Variants in PGM2L1 observed in about 807,000 individuals in gnomAD.
PGM2L1 encodes the protein glucose 1,6-bisphosphate synthase.
PGM2L1 carries 35 observed loss-of-function variants against 73.4 expected under a neutral mutation model. The ratio of observed to expected loss-of-function variants is 0.48; its 90% CI spans 0.36 to 0.63. PGM2L1 has a LOEUF of 0.63. Among genes scored for constraint, PGM2L1 ranks in the 30% least tolerant of loss-of-function variants. The probability of loss-of-function intolerance (pLI) is 0.00; values close to 1 mark genes in which losing one functional copy is unlikely to be tolerated. For missense variants in PGM2L1, 570 were observed against 742.0 expected, an observed-to-expected ratio of 0.77 and a Z score of 2.69; for synonymous variants, 225 against 253.8, an observed-to-expected ratio of 0.89 and a Z score of 1.08.
At chr11:74,393,249 T>C (rs764574841) in intron 1 of PGM2L1, among the ~76,000 whole-genome samples, 2 of 152,142 alleles carry the variant, frequency 1.3e-5, no homozygotes, top group Non-Finnish European at 2.9e-5. Flanking sequence ...ATTAGAAAAA[T>C]GTGAACAAAA....
At chr11:74,396,564 G>A (rs1342058855) in intron 1 of PGM2L1, among the ~76,000 whole-genome samples, 2 of 152,072 alleles carry the variant, frequency 1.3e-5, no homozygotes, top group Admixed American at 6.6e-5. Flanking sequence ...ACAGGCGCCC[G>A]CCACCGCGCC....
At position 74,333,210 on chromosome 11, in the gene PGM2L1, A is replaced by G. The variant is rs1491002047; in HGVS notation, c.*3442T>C. On this transcript the variant is annotated 3_prime_UTR_variant, in exon 14 of 14. Transcript: ENST00000298198. Reference sequence around the variant, plus strand: ...CCTTAAAAATAAAAAAAAGATTTTGAATAGAAGATATTATGAAGATTTCTC... The same window carrying G: ...CCTTAAAAATAAAAAAAAGATTTTGGATAGAAGATATTATGAAGATTTCTC... 1 of 152,282 alleles carries G rather than the reference A, an allele frequency of 6.6e-6. No homozygotes were observed. Among genetic ancestry groups the G allele is most frequent in the African/African-American group, 2.4e-5 (1 of 41,590 alleles). 9.4% of individuals were successfully genotyped at this position (152,282 alleles called of 1,614,324 possible). A position where few individuals can be genotyped will look rare whatever the true frequency, so the allele number is the denominator to read the frequency against.
At chr11:74,350,083 A>G (rs1426457088) in intron 6 of PGM2L1, among the ~76,000 whole-genome samples, 2 of 152,212 alleles carry the variant, frequency 1.3e-5, no homozygotes, top group Non-Finnish European at 2.9e-5. Flanking sequence ...AAAAAACAAA[A>G]ATGTAAATAA....
intron 1 of PGM2L1, 132 bp from the exon 2 acceptor site, chr11:74,374,714 G>T (rs1862831159): frequency 2.8e-6 from 2 of 715,394 alleles, no homozygotes; most frequent in Admixed American, 3.0e-5. Context: ...CTACTTCTTT[G>T]TATGTATAAT....
In PGM2L1 at chr11:74,370,897, C is replaced by T; in HGVS notation, c.471+5G>A. ...GCTATATGATCACCAACACAACACACTTACTACAAAAGGTGTAGGAACATA... is the reference window on the plus strand; with the variant it reads ...GCTATATGATCACCAACACAACACATTTACTACAAAAGGTGTAGGAACATA... On this transcript the variant is annotated splice_donor_5th_base_variant and intron_variant, in intron 4 of 13. Transcript: ENST00000298198. The T allele has an allele frequency of 1.2e-6, 2 of 1,601,030 alleles. No homozygotes were observed. The highest frequency in any genetic ancestry group is 1.7e-6 in the Non-Finnish European group (2 of 1,168,924).
At chr11:74,341,244 A>G (rs755848351) in intron 12 of PGM2L1, among the ~76,000 whole-genome samples, 40 of 152,094 alleles carry the variant, frequency 2.6e-4, no homozygotes, top group Non-Finnish European at 4.9e-4. Context: ...GAGCAAAACA[A>G]TGGGTTCTAG....
rs1048393959 is a variant in PGM2L1, at chr11:74,332,741, A to T, written c.*3911T>A. ...TCCCTGTTGCATCAATTCCAGAAGC[A>T]ACTTGCTTAAGAAATGGGAGGTCTA... On this transcript the variant is annotated 3_prime_UTR_variant, in exon 14 of 14. Transcript: ENST00000298198. 5 of 152,548 alleles carry T rather than the reference A, an allele frequency of 3.3e-5. No individual in the cohort carries two copies. The highest frequency in any genetic ancestry group is 1.2e-4 in the African/African-American group (5 of 41,582). 9.4% of individuals were successfully genotyped at this position (152,548 alleles called of 1,614,324 possible). A position where few individuals can be genotyped will look rare whatever the true frequency, so the allele number is the denominator to read the frequency against.
At chr11:74,386,628 A>AC (rs1422482971) in intron 1 of PGM2L1, among the ~76,000 whole-genome samples, 1 of 152,016 alleles carries the variant, frequency 6.6e-6, no homozygotes, top group Non-Finnish European at 1.5e-5. Context: ...GGCACATGCC[A>AC]CCATGCCCAC....
intron 1 of PGM2L1, among the ~76,000 whole-genome samples, chr11:74,378,175 G>C (rs1862884778): frequency 6.6e-6 from 1 of 152,078 alleles, no homozygotes. Flanking sequence ...GGTAGCATGT[G>C]CCTGTAGTCC....
At position 74,374,546 on chromosome 11, in the gene PGM2L1, G is replaced by A. The variant is rs1169012434; in HGVS notation, c.148C>T (p.Arg50Trp). The change falls in exon 2 of 14, where the codon CGG becomes TGG. Residue 50 changes from arginine to tryptophan, a missense_variant. Arg to Trp is a moderately radical substitution (Grantham distance 101). Coordinates refer to ENST00000298198, the MANE Select transcript of PGM2L1 (RefSeq NM_173582.6). ...KTKEQIENLL[R>W]NGMNKELRDR... ...CGCAGCTCCTTGTTCATCCCATTCC[G>A]TAACAGGTTTTCAATCTGCTCTTTT... is the stretch of plus-strand genomic sequence containing the variant. 4 of 1,613,864 alleles carry A rather than the reference G, an allele frequency of 2.5e-6. No individual in the cohort carries two copies. The highest frequency in any genetic ancestry group is 1.7e-5 in the Admixed American group (1 of 59,954).
chr11:74,332,159 G>A lies in PGM2L1; in HGVS notation c.*4493C>T, dbSNP rs1352708861. 1 of 152,168 alleles carries A rather than the reference G, an allele frequency of 6.6e-6. No individual in the cohort carries two copies. The highest frequency in any genetic ancestry group is 2.4e-5 in the African/African-American group (1 of 41,428). The allele number at this position is 152,168 out of a possible 1,614,324, so 9.4% of individuals were successfully genotyped here. A position where few individuals can be genotyped will look rare whatever the true frequency, so the allele number is the denominator to read the frequency against. On this transcript the variant is annotated 3_prime_UTR_variant, in exon 14 of 14. Transcript: ENST00000298198. Reference sequence around the variant, plus strand: ...GGGTAAGATGCTCTGAGGGACAAATGTGAATAAGATTTCCTTAGATCTTGT... The same window carrying A: ...GGGTAAGATGCTCTGAGGGACAAATATGAATAAGATTTCCTTAGATCTTGT...
intron 6 of PGM2L1, among the ~76,000 whole-genome samples, chr11:74,350,617 C>T (rs7931026): frequency 0.37 from 56,848 of 151,894 alleles, 12,554 homozygotes; most frequent in East Asian, 0.52. Context: ...TGGCTCACAC[C>T]TGTAATCCCA....
intron 12 of PGM2L1, among the ~76,000 whole-genome samples, chr11:74,341,170 T>C (rs1862176548): frequency 6.6e-6 from 1 of 152,136 alleles, no homozygotes; most frequent in Non-Finnish European, 1.5e-5. Context: ...ACATGATTAT[T>C]TGGGAAGTGA....
At chr11:74,372,660 G>T (rs1862786802) in intron 2 of PGM2L1, among the ~76,000 whole-genome samples, 1 of 144,062 alleles carries the variant, frequency 6.9e-6, no homozygotes, top group African/African-American at 2.8e-5. Context: ...TTTAAGAATA[G>T]GAGACAATAA....
At chr11:74,343,445 A>G in intron 9 of PGM2L1, 29 bp from the exon 10 acceptor site, 1 of 1,598,126 alleles carries the variant, frequency 6.3e-7, no homozygotes, top group Non-Finnish European at 8.5e-7. Flanking sequence ...CACTCTAGTT[A>G]AGTGACTGTC....
intron 12 of PGM2L1, among the ~76,000 whole-genome samples, chr11:74,339,314 T>C (rs1429191539): frequency 6.6e-6 from 1 of 152,200 alleles, no homozygotes; most frequent in Admixed American, 6.5e-5. Context: ...AAAGAAGTGA[T>C]GTTTTACTGA....
At chr11:74,353,359 GA>G (rs1862388446) in intron 5 of PGM2L1, among the ~76,000 whole-genome samples, 1 of 149,840 alleles carries the variant, frequency 6.7e-6, no homozygotes, top group Non-Finnish European at 1.5e-5. Flanking sequence ...AGTATTTATT[GA>G]TCATTCTTGG....
At position 74,368,594 on chromosome 11, in the gene PGM2L1, C is replaced by A; in HGVS notation, c.472-19G>T. 1 of 1,601,088 alleles carries A rather than the reference C, an allele frequency of 6.2e-7. No individual in the cohort carries two copies. Among genetic ancestry groups the A allele is most frequent in the South Asian group, 1.1e-5 (1 of 90,678 alleles). ...CATATGGCTGAAAAATAAATAACACCATAATTCCATTTTGCTTCCTAGCTA... is the reference window on the plus strand; with the variant it reads ...CATATGGCTGAAAAATAAATAACACAATAATTCCATTTTGCTTCCTAGCTA... On this transcript the variant is annotated intron_variant, in intron 4 of 13. Coordinates refer to ENST00000298198, the MANE Select transcript of PGM2L1 (RefSeq NM_173582.6).
At chr11:74,352,908 C>A (rs888600037) in intron 5 of PGM2L1, among the ~76,000 whole-genome samples, 2 of 152,150 alleles carry the variant, frequency 1.3e-5, no homozygotes, top group African/African-American at 4.8e-5. Flanking sequence ...GGAGTTGGAA[C>A]TGAGACCCCC....
Sources: gnomAD v4.1 joint callset for allele counts (sites outside exome capture counted in the v4.1 genomes callset) on GRCh38, gnomAD v4.1.1 for gene constraint, MANE v1.5 for transcripts, NCBI Gene and HGNC (gene_info 2026-07-23, HGNC 2026-07-21) for gene names.